Variants in CRACDL observed in about 807,000 individuals in gnomAD.
CRACDL encodes the protein CRACD like, also known as CRACD-like protein.
Under a neutral mutation model 70.6 loss-of-function variants are expected in CRACDL, and 26 were observed. The observed-to-expected ratio is 0.37, with a 90% CI of 0.27 to 0.51. The LOEUF (loss-of-function observed/expected upper bound fraction) is 0.51, where lower values mean the gene tolerates loss of function less well. Among genes scored for constraint, CRACDL ranks in the 20% least tolerant of loss-of-function variants. The pLI is 0.94. For missense variants in CRACDL, 1,283 were observed against 1,376.9 expected (o/e 0.93, Z 1.08); for synonymous variants, 618 against 615.2 (o/e 1.00, Z -0.07).
chr2:98,908,673 G>T (rs926924826), intron 1 of CRACDL, among the ~76,000 whole-genome samples: 3 of 152,196 alleles, frequency 2.0e-5, no homozygotes, highest in Non-Finnish European at 4.4e-5. Context: ...ACTTGCCCTG[G>T]ACAACAGACC....
chr2:98,888,067 T>C (rs1707844704), intron 1 of CRACDL, among the ~76,000 whole-genome samples: 1 of 152,196 alleles, frequency 6.6e-6, no homozygotes, highest in African/African-American at 2.4e-5. Context: ...TTATGTTACA[T>C]GAATTTCACC....
intron 1 of CRACDL, among the ~76,000 whole-genome samples, chr2:98,871,982 C>A: frequency 6.6e-6 from 1 of 152,176 alleles, no homozygotes; most frequent in East Asian, 1.9e-4. Context: ...CGGAATATTA[C>A]ACCGCCATAA....
chr2:98,808,417 G>A (rs1704411598), intron 7 of CRACDL, among the ~76,000 whole-genome samples: 1 of 152,176 alleles, frequency 6.6e-6, no homozygotes, highest in African/African-American at 2.4e-5. Flanking sequence ...GCCAACCACT[G>A]ATCTTGATGC....
At chr2:98,865,306 A>G (rs1009345444) in intron 1 of CRACDL, among the ~76,000 whole-genome samples, 1 of 152,132 alleles carries the variant, frequency 6.6e-6, no homozygotes, top group African/African-American at 2.4e-5. Flanking sequence ...TTCCGCAGGA[A>G]GACCAATCTG....
In CRACDL at chr2:98,822,016, G is replaced by C; in HGVS notation, c.2257C>G (p.Pro753Ala). The C allele has an allele frequency of 6.5e-7, 1 of 1,539,150 alleles. No homozygotes were observed. The highest frequency in any genetic ancestry group is 8.8e-7 in the Non-Finnish European group (1 of 1,142,044). The change falls in exon 7 of 10, where the codon CCC (proline) becomes GCC (alanine). Residue 753 changes from proline (P) to alanine (A), a missense_variant. This residue lies in a region of CRACDL where 921 missense variants were observed against 881.9 expected (regional missense o/e 1.04). Transcript: ENST00000397899. The surrounding 1 kb of genome is among the most constrained non-coding windows in gnomAD (Gnocchi z 4.9). ...GGCGGCTTGGAGCTGAGCGGCTCGG[G>C]GGGCCGGGCCTTCCCCTTTCCTTGG... ...SDQGKGKARPPEPLSSKPPLP... is the reference protein window; with the variant it reads ...SDQGKGKARPAEPLSSKPPLP...
intron 7 of CRACDL, among the ~76,000 whole-genome samples, chr2:98,805,455 T>C (rs1371675406): frequency 1.3e-5 from 2 of 152,002 alleles, no homozygotes; most frequent in African/African-American, 4.8e-5. Context: ...CAGCAGACCC[T>C]TTCCACCGCT....
intron 2 of CRACDL, among the ~76,000 whole-genome samples, chr2:98,844,023 GA>G (rs1275258485): frequency 1.3e-5 from 2 of 151,976 alleles, no homozygotes; most frequent in African/African-American, 4.8e-5. Context: ...TTTCCTAAAT[GA>G]AAAAAATCTC....
At chr2:98,897,911 C>A (rs1010448029) in intron 1 of CRACDL, among the ~76,000 whole-genome samples, 1 of 152,198 alleles carries the variant, frequency 6.6e-6, no homozygotes, top group African/African-American at 2.4e-5. Flanking sequence ...TGAGGTTCAG[C>A]GGCTGGCTTA....
At chr2:98,909,265 G>T (rs1708487178) in intron 1 of CRACDL, among the ~76,000 whole-genome samples, 1 of 152,212 alleles carries the variant, frequency 6.6e-6, no homozygotes, top group Admixed American at 6.5e-5. Flanking sequence ...ATTTGCATTT[G>T]ATTCCCAGTG....
intron 1 of CRACDL, among the ~76,000 whole-genome samples, chr2:98,883,344 C>A (rs1707708908): frequency 6.6e-6 from 1 of 152,216 alleles, no homozygotes; most frequent in Admixed American, 6.5e-5. Context: ...AGTGGTGTTT[C>A]TCCCATCCAC....
intron 1 of CRACDL, among the ~76,000 whole-genome samples, chr2:98,935,067 G>A (rs1460202728): frequency 6.6e-6 from 1 of 152,158 alleles, no homozygotes; most frequent in Non-Finnish European, 1.5e-5. Flanking sequence ...GAGCTCCAGG[G>A]AAAATACCAG....
chr2:98,832,520 G>A lies in CRACDL; in HGVS notation c.376-8C>T. On this transcript the variant is annotated splice_polypyrimidine_tract_variant and splice_region_variant and intron_variant, in intron 4 of 9. Coordinates refer to ENST00000397899, the MANE Select transcript of CRACDL (RefSeq NM_207362.3). ...ATTACACTGTATTTTTAACTAGATT[G>A]GAATAAAGAACATGTGCTCTTATTT... The A allele has an allele frequency of 6.4e-7, 1 of 1,573,102 alleles. No individual in the cohort carries two copies. The highest frequency in any genetic ancestry group is 8.6e-7 in the Non-Finnish European group (1 of 1,158,298).
rs1016622778 is a variant in CRACDL at position 98,822,563 on chromosome 2, G to C, written c.1710C>G (p.Gly570=). The C allele has an allele frequency of 4.1e-6, 6 of 1,463,656 alleles. No individual in the cohort carries two copies. Among genetic ancestry groups the C allele is most frequent in the Non-Finnish European group, 5.4e-6 (6 of 1,115,690 alleles). The allele number at this position is 1,463,656 out of a possible 1,614,324, so 90.7% of individuals were successfully genotyped here. Residue 570 remains glycine (G), a synonymous_variant, in exon 7 of 10, where the codon GGC becomes GGG. Coordinates refer to ENST00000397899, the MANE Select transcript of CRACDL (RefSeq NM_207362.3). This position sits in a 1 kb window ranked among gnomAD's most constrained non-coding sequence, Gnocchi z 4.9. ...ACGAGGACACCGAGAACTTCTTCGC[G>C]CCTCGCAGCTCGGCACCGCCCCTCT... is the stretch of plus-strand genomic sequence containing the variant. The part of the protein sequence containing the change: ...KAERGGAELR[G]AKKFSVSSCR...
intron 9 of CRACDL, among the ~76,000 whole-genome samples, chr2:98,795,077 A>ATATATATATATATATATATT: frequency 6.8e-5 from 4 of 58,490 alleles, no homozygotes; most frequent in African/African-American, 2.6e-4. Flanking sequence ...ATATATATAT[A>ATATATATATATATATATATT]TTTTTTTTTT....
At chr2:98,903,777 C>A in intron 1 of CRACDL, among the ~76,000 whole-genome samples, 1 of 152,220 alleles carries the variant, frequency 6.6e-6, no homozygotes, top group Non-Finnish European at 1.5e-5. Context: ...ATTTTTAAGT[C>A]AGATACATCA....
chr2:98,809,123 C>G (rs943625066), intron 7 of CRACDL, among the ~76,000 whole-genome samples: 1 of 152,128 alleles, frequency 6.6e-6, no homozygotes, highest in South Asian at 2.1e-4. Context: ...AAATGTGTAG[C>G]CTCTGGGCGA....
At chr2:98,924,513 C>A (rs1708870542) in intron 1 of CRACDL, among the ~76,000 whole-genome samples, 1 of 152,222 alleles carries the variant, frequency 6.6e-6, no homozygotes, top group Non-Finnish European at 1.5e-5. Flanking sequence ...CAGAGACATT[C>A]CCATCTCCCT....
rs112703053 is a variant in CRACDL at position 98,921,920 on chromosome 2, G to A, written c.-11+14018C>T. Among the ~76,000 whole-genome samples, 1,064 of 152,002 alleles carry A rather than the reference G, an allele frequency of 7.0e-3. 13 individuals are homozygous for A. Among genetic ancestry groups the A allele is most frequent in the African/African-American group, 0.024 (1,008 of 41,404 alleles). On this transcript the variant is annotated intron_variant, in intron 1 of 9. Coordinates refer to ENST00000397899, the MANE Select transcript of CRACDL (RefSeq NM_207362.3). Reference sequence around the variant, plus strand: ...CCCAGGGCAACATTATTACTTTCTCGGACCCCATGCACACTCACCCTCCTA... The same window carrying A: ...CCCAGGGCAACATTATTACTTTCTCAGACCCCATGCACACTCACCCTCCTA...
intron 3 of CRACDL, among the ~76,000 whole-genome samples, chr2:98,836,119 G>A (rs892574637): frequency 3.3e-5 from 5 of 152,178 alleles, no homozygotes; most frequent in Admixed American, 1.3e-4. Context: ...GATCAATGAC[G>A]TGAAACAAAG....
Sources: gnomAD v4.1 joint callset for allele counts (sites outside exome capture counted in the v4.1 genomes callset) on GRCh38, gnomAD v4.1.1 for gene constraint, gnomAD v4.1.1 regional missense constraint, Gnocchi (gnomAD v3.1) non-coding constraint, MANE v1.5 for transcripts, NCBI Gene and HGNC (gene_info 2026-07-23, HGNC 2026-07-21) for gene names.